NUMB: variants seen among roughly 807,000 people sequenced by gnomAD.
The protein encoded by NUMB is protein numb homolog.
A neutral mutation model predicts 59.7 loss-of-function variants in NUMB; 29 were observed. The observed-to-expected ratio is 0.49, with a 90% CI of 0.36 to 0.66. The LOEUF is 0.66. Ranked by LOEUF, NUMB falls within the 30% of genes least tolerant of loss-of-function variation. NUMB has a pLI of 0.00. For missense variants in NUMB, 723 were observed against 822.0 expected, an observed-to-expected ratio of 0.88 and a Z score of 1.47; for synonymous variants, 288 against 288.2, an observed-to-expected ratio of 1.00 and a Z score of 0.01.
intron 2 of NUMB, among the ~76,000 whole-genome samples, chr14:73,385,308 CTTTTTT>C (rs1174960370): frequency 1.8e-5 from 2 of 112,294 alleles, no homozygotes; most frequent in African/African-American, 3.2e-5. Flanking sequence ...CCAGTTAATT[CTTTTTT>C]TTTTTTTTTT....
intron 6 of NUMB, among the ~76,000 whole-genome samples, chr14:73,310,047 G>C (rs772727706): frequency 2.6e-5 from 4 of 152,136 alleles, no homozygotes; most frequent in Non-Finnish European, 5.9e-5. Flanking sequence ...GGATCTGTTA[G>C]AACAGATATT....
At chr14:73,442,756 T>C (rs192521064) in intron 1 of NUMB, among the ~76,000 whole-genome samples, 1 of 152,318 alleles carries the variant, frequency 6.6e-6, no homozygotes, top group Admixed American at 6.5e-5. Flanking sequence ...CCTGCGGGAA[T>C]AGAAAGGGAG....
At chr14:73,405,106 TA>T (rs1335664675) in intron 2 of NUMB, among the ~76,000 whole-genome samples, 1 of 152,192 alleles carries the variant, frequency 6.6e-6, no homozygotes, top group Non-Finnish European at 1.5e-5. Context: ...TAAGATGAAG[TA>T]AATATATCTC....
chr14:73,446,622 T>A (rs1471469976), intron 1 of NUMB, among the ~76,000 whole-genome samples: 10 of 142,572 alleles, frequency 7.0e-5, no homozygotes, highest in African/African-American at 2.7e-4. Context: ...AAAAAAAAAA[T>A]CCTTAACATG....
chr14:73,276,538 CCT>C lies in NUMB; in HGVS notation c.*38_*39del, dbSNP rs1297619896. On this transcript the variant is annotated 3_prime_UTR_variant, in exon 13 of 13. Coordinates refer to ENST00000555238, the MANE Select transcript of NUMB (RefSeq NM_001005743.2). ...CTCCTTTGACCGCTACCCCCTGCTC[CCT>C]GTCTGGTATGGACAAGATACATAGC... The C allele has an allele frequency of 6.6e-7, 1 of 1,522,968 alleles. No individual in the cohort carries two copies. The highest frequency in any genetic ancestry group is 9.0e-7 in the Non-Finnish European group (1 of 1,110,372). 94.3% of individuals were successfully genotyped at this position (1,522,968 alleles called of 1,614,324 possible). A position where few individuals can be genotyped will look rare whatever the true frequency, so the allele number is the denominator to read the frequency against.
chr14:73,276,672 G>A lies in NUMB; in HGVS notation c.1862C>T (p.Ala621Val), dbSNP rs1362807166. ...CTGCTTGGACTTATTTTCTAATGCA[G>A]CCCACTGGGCTTCAAAAGGATCCAC... ...CPVDPFEAQW[A>V]ALENKSKQRT... The change falls in exon 13 of 13, where the codon GCT becomes GTT. Residue 621 changes from alanine to valine, a missense_variant. By Grantham distance (64) the Ala-to-Val change is moderately conservative (BLOSUM62 0). Transcript: ENST00000555238. 6 of 1,614,104 alleles carry A rather than the reference G, an allele frequency of 3.7e-6. No individual in the cohort carries two copies. The highest frequency in any genetic ancestry group is 1.1e-5 in the South Asian group (1 of 91,088).
At chr14:73,288,305 C>T (rs1292236869) in intron 8 of NUMB, among the ~76,000 whole-genome samples, 1 of 152,110 alleles carries the variant, frequency 6.6e-6, no homozygotes, top group Non-Finnish European at 1.5e-5. Context: ...GTAATCCCAG[C>T]ACTTTGGGAG....
At chr14:73,323,759 A>T (rs1053406689) in intron 4 of NUMB, among the ~76,000 whole-genome samples, 2 of 152,252 alleles carry the variant, frequency 1.3e-5, no homozygotes, top group African/African-American at 4.8e-5. Context: ...TGAAGGTATT[A>T]CATCTGAGCT....
intron 6 of NUMB, among the ~76,000 whole-genome samples, chr14:73,305,107 C>T (rs1014977388): frequency 1.3e-5 from 2 of 152,064 alleles, no homozygotes; most frequent in Non-Finnish European, 2.9e-5. Flanking sequence ...GATTAGCAAC[C>T]GTTTTTTGTG....
chr14:73,389,702 C>A (rs974369999), intron 2 of NUMB, among the ~76,000 whole-genome samples: 1 of 152,156 alleles, frequency 6.6e-6, no homozygotes, highest in Non-Finnish European at 1.5e-5. Context: ...ATACTATTCT[C>A]ATGTTCAAAG....
Position 73,396,960 on chromosome 14 carries a change from T to C in NUMB, c.-101+12977A>G, listed in dbSNP as rs144181619. Among the ~76,000 whole-genome samples, 1,048 of 152,060 alleles carry C rather than the reference T, an allele frequency of 6.9e-3. 5 individuals are homozygous for C. Among genetic ancestry groups the C allele is most frequent in the South Asian group, 0.03 (144 of 4,816 alleles). On this transcript the variant is annotated intron_variant, in intron 2 of 12. Transcript: ENST00000555238. The stretch of plus-strand genomic sequence containing the variant: ...CAACACGGTGAAACCCTGTCTCTAC[T>C]AAAAATACAAAAAATTAGCCAGGCA...
In NUMB at chr14:73,346,910, A is replaced by G. The variant is rs541772525; in HGVS notation, c.126+8716T>C. Among the ~76,000 whole-genome samples, 82 of 152,326 alleles carry G rather than the reference A, an allele frequency of 5.4e-4. 1 individual carries two copies. The highest frequency in any genetic ancestry group is 1.2e-3 in the Non-Finnish European group (79 of 68,026). On this transcript the variant is annotated intron_variant, in intron 4 of 12. Transcript: ENST00000555238. ...ATTTTAAAACTAATCCGTTCTCTAC[A>G]TGCTTCTTTGTAAAAAGCATTTAAT...
chr14:73,286,209 T>C (rs1259760302), intron 9 of NUMB: 3 of 105,770 alleles, frequency 2.8e-5, no homozygotes, highest in African/African-American at 1.1e-4. Context: ...TTTTTTTTTT[T>C]TTTTTTTTTT....
At chr14:73,413,664 A>G (rs565396305) in intron 1 of NUMB, among the ~76,000 whole-genome samples, 3 of 152,040 alleles carry the variant, frequency 2.0e-5, no homozygotes, top group East Asian at 4.0e-4. Flanking sequence ...AGGCTGTGGC[A>G]TAAGAATCGC....
chr14:73,337,427 G>A (rs1193747028), intron 4 of NUMB, among the ~76,000 whole-genome samples: 4 of 152,172 alleles, frequency 2.6e-5, no homozygotes, highest in Admixed American at 2.6e-4. Flanking sequence ...GCTTGAACCT[G>A]GGAGATGGAG....
chr14:73,343,349 A>G (rs1338436071), intron 4 of NUMB, among the ~76,000 whole-genome samples: 1 of 152,196 alleles, frequency 6.6e-6, no homozygotes, highest in Non-Finnish European at 1.5e-5. Flanking sequence ...GGACCTGATT[A>G]AAGTAGTGGC....
chr14:73,276,276 G>C lies in NUMB; in HGVS notation c.*302C>G, dbSNP rs1888147430. ...AAATGTGCTTGGAATATAGATTCTT[G>C]TTCAGATACTTTGCCTCTCTGTTGC... On this transcript the variant is annotated 3_prime_UTR_variant, in exon 13 of 13. Transcript: ENST00000555238. 1 of 304,170 alleles carries C rather than the reference G, an allele frequency of 3.3e-6. No individual in the cohort carries two copies. Among genetic ancestry groups the C allele is most frequent in the Non-Finnish European group, 6.2e-6 (1 of 162,154 alleles). The allele number at this position is 304,170 out of a possible 1,614,324, so 18.8% of individuals were successfully genotyped here.
At chr14:73,344,942 A>T (rs1396158442) in intron 4 of NUMB, among the ~76,000 whole-genome samples, 3 of 152,256 alleles carry the variant, frequency 2.0e-5, no homozygotes, top group African/African-American at 7.2e-5. Flanking sequence ...GATTCTTAGT[A>T]TATTACTTTA....
intron 1 of NUMB, among the ~76,000 whole-genome samples, chr14:73,419,339 T>C (rs1897260488): frequency 6.6e-6 from 1 of 151,960 alleles, no homozygotes; most frequent in African/African-American, 2.4e-5. Context: ...TGAAACCCGG[T>C]CTCTACTAAA....
Sources: allele counts gnomAD v4.1 joint callset (sites outside exome capture counted in the v4.1 genomes callset), GRCh38; gene constraint gnomAD v4.1.1; transcripts MANE v1.5; gene names NCBI Gene and HGNC (gene_info 2026-07-23, HGNC 2026-07-21).